TECRL: variants seen among roughly 807,000 people sequenced by gnomAD.
TECRL encodes trans-2,3-enoyl-CoA reductase like.
Under a neutral mutation model 52.8 loss-of-function variants are expected in TECRL, and 63 were observed. The observed-to-expected ratio is 1.19, with a 90% CI of 0.97 to 1.47. The LOEUF (loss-of-function observed/expected upper bound fraction) is 1.47, where lower values mean the gene tolerates loss of function less well. Ranked by LOEUF, TECRL falls within the 40% of genes most tolerant of loss-of-function variation. The probability of loss-of-function intolerance (pLI) is 0.00; values close to 1 mark genes in which losing one functional copy is unlikely to be tolerated. For synonymous variants in TECRL, 164 were observed against 141.9 expected (o/e 1.16, Z -1.10); for missense variants, 482 against 429.6 (o/e 1.12, Z -1.08).
Position 64,280,051 on chromosome 4 carries a change from A to T in TECRL, c.*21T>A. 1 of 1,578,576 alleles carries T rather than the reference A, an allele frequency of 6.3e-7. No homozygotes were observed. The highest frequency in any genetic ancestry group is 8.6e-7 in the Non-Finnish European group (1 of 1,163,518). Reference sequence around the variant, plus strand: ...TTGAATTTATATGTTGCTGTTTTCTATAGGAGATAAGATTCTTTTTTTACA... The same window carrying T: ...TTGAATTTATATGTTGCTGTTTTCTTTAGGAGATAAGATTCTTTTTTTACA... On this transcript the variant is annotated 3_prime_UTR_variant, in exon 12 of 12. Transcript: ENST00000381210.
intron 2 of TECRL, among the ~76,000 whole-genome samples, chr4:64,373,655 CT>C (rs1179863915): frequency 7.9e-5 from 12 of 151,622 alleles, no homozygotes; most frequent in Non-Finnish European, 1.3e-4. Context: ...AGAAATAAGA[CT>C]TTGTTATTAT....
At chr4:64,314,859 A>G in intron 4 of TECRL, 96 bp from the exon 5 acceptor site, 1 of 833,512 alleles carries the variant, frequency 1.2e-6, no homozygotes, top group African/African-American at 1.7e-5. Context: ...TAAATTGGTG[A>G]AACAGGTAGA....
intron 2 of TECRL, among the ~76,000 whole-genome samples, chr4:64,332,165 G>T (rs1718684211): frequency 6.6e-6 from 1 of 152,156 alleles, no homozygotes; most frequent in African/African-American, 2.4e-5. Context: ...GAAGCTAAGA[G>T]GCGAGGAAGC....
At chr4:64,383,933 C>T (rs1034953180) in intron 1 of TECRL, among the ~76,000 whole-genome samples, 1 of 151,620 alleles carries the variant, frequency 6.6e-6, no homozygotes, top group Non-Finnish European at 1.5e-5. Flanking sequence ...TTGGGCAGGG[C>T]ACTTTGCCTT....
At chr4:64,359,974 A>G (rs529504644) in intron 2 of TECRL, among the ~76,000 whole-genome samples, 1 of 152,312 alleles carries the variant, frequency 6.6e-6, no homozygotes, top group East Asian at 1.9e-4. Flanking sequence ...TAAGTGATGT[A>G]CTTAAAAGAC....
intron 8 of TECRL, among the ~76,000 whole-genome samples, chr4:64,296,278 C>T (rs1345645103): frequency 6.6e-6 from 1 of 151,740 alleles, no homozygotes; most frequent in Non-Finnish European, 1.5e-5. Context: ...ACATTGTTCC[C>T]AGCGCCCTCT....
chr4:64,348,072 G>A (rs1601083), intron 2 of TECRL, among the ~76,000 whole-genome samples: 101,416 of 151,982 alleles, frequency 0.67, 35,097 homozygotes, highest in Non-Finnish European at 0.76. Context: ...GCCCCACTCC[G>A]GGTACCAATT....
chr4:64,375,003 A>C (rs1390320664), intron 2 of TECRL, among the ~76,000 whole-genome samples, 169 bp downstream of exon 2: 1 of 152,124 alleles, frequency 6.6e-6, no homozygotes, highest in Non-Finnish European at 1.5e-5. Flanking sequence ...TTAGAGTTAA[A>C]TGCTAGAATA....
chr4:64,375,207 G>A lies in TECRL; in HGVS notation c.251C>T (p.Thr84Ile). The change falls in exon 2 of 12, where the codon ACT (threonine) becomes ATT (isoleucine). Residue 84 changes from threonine (T) to isoleucine (I), a missense_variant. Transcript: ENST00000381210. The stretch of plus-strand genomic sequence containing the variant: ...AAACTTTTGCTTAACATCATGAATA[G>A]TAGATGATTGTGTCACCTGAAAAGG... The part of the protein sequence containing the change: ...CILDKVTQSS[T>I]IHDVKQKFHK... 7.1e-7 allele frequency: 1 copy of A among 1,405,094 alleles called. No homozygotes were observed. Among genetic ancestry groups the A allele is most frequent in the East Asian group, 2.8e-5 (1 of 35,552 alleles). 87.0% of individuals were successfully genotyped at this position (1,405,094 alleles called of 1,614,324 possible). A position where few individuals can be genotyped will look rare whatever the true frequency, so the allele number is the denominator to read the frequency against.
intron 2 of TECRL, among the ~76,000 whole-genome samples, chr4:64,373,332 T>A (rs1722114117): frequency 6.6e-6 from 1 of 151,784 alleles, no homozygotes; most frequent in African/African-American, 2.4e-5. Flanking sequence ...TAGCTATCAA[T>A]AATTCTTGCC....
chr4:64,340,190 T>C (rs879872102), intron 2 of TECRL, among the ~76,000 whole-genome samples: 15 of 152,248 alleles, frequency 9.9e-5, no homozygotes, highest in Non-Finnish European at 2.2e-4. Flanking sequence ...AAGCGGGAGA[T>C]TCACCCCTTA....
intron 8 of TECRL, among the ~76,000 whole-genome samples, chr4:64,293,530 C>A (rs1167239525): frequency 6.6e-6 from 1 of 152,106 alleles, no homozygotes; most frequent in South Asian, 2.1e-4. Flanking sequence ...AGTTGCTCAT[C>A]TTTTACTGTT....
intron 1 of TECRL, among the ~76,000 whole-genome samples, chr4:64,407,823 T>C (rs1290773940): frequency 6.7e-6 from 1 of 149,882 alleles, no homozygotes. Context: ...GTGTAATATA[T>C]TTAAATATTA....
intron 2 of TECRL, among the ~76,000 whole-genome samples, chr4:64,335,444 G>T (rs1036190495): frequency 2.0e-5 from 3 of 152,120 alleles, no homozygotes; most frequent in Admixed American, 1.3e-4. Context: ...TCTACATTTT[G>T]GTGAGCTACA....
At chr4:64,342,443 G>GTGTC (rs951555915) in intron 2 of TECRL, among the ~76,000 whole-genome samples, 2 of 151,568 alleles carry the variant, frequency 1.3e-5, no homozygotes, top group African/African-American at 4.9e-5. Context: ...ATGTGTGTGT[G>GTGTC]TGTGTGTATG....
At chr4:64,291,879 G>T (rs1723410195) in intron 8 of TECRL, among the ~76,000 whole-genome samples, 1 of 151,952 alleles carries the variant, frequency 6.6e-6, no homozygotes, top group South Asian at 2.1e-4. Context: ...ATCTACTGAT[G>T]AAATGCTTAC....
intron 2 of TECRL, among the ~76,000 whole-genome samples, chr4:64,343,695 T>C (rs1487539876): frequency 6.6e-6 from 1 of 152,054 alleles, no homozygotes; most frequent in African/African-American, 2.4e-5. Context: ...TTCAACCTTG[T>C]TATGGGGAAA....
chr4:64,398,488 G>A (rs1387858780), intron 1 of TECRL, among the ~76,000 whole-genome samples: 1 of 152,110 alleles, frequency 6.6e-6, no homozygotes, highest in African/African-American at 2.4e-5. Context: ...CTGTCTCTTT[G>A]TTCTTATTTT....
intron 1 of TECRL, among the ~76,000 whole-genome samples, chr4:64,408,468 C>A (rs945622688): frequency 7.9e-5 from 12 of 151,720 alleles, no homozygotes; most frequent in African/African-American, 2.9e-4. Context: ...AGTTTTCTAA[C>A]CTAAGAAGAG....
Sources: gnomAD v4.1 joint callset for allele counts (sites outside exome capture counted in the v4.1 genomes callset) on GRCh38, gnomAD v4.1.1 for gene constraint, MANE v1.5 for transcripts, NCBI Gene and HGNC (gene_info 2026-07-23, HGNC 2026-07-21) for gene names.